CHCHD3: variants seen among roughly 807,000 people sequenced by gnomAD.
CHCHD3 encodes the protein coiled-coil-helix-coiled-coil-helix domain containing 3.
In CHCHD3, 20 loss-of-function variants were observed where a neutral mutation model predicts 38.2. The ratio of observed to expected loss-of-function variants is 0.52; its 90% confidence interval spans 0.37 to 0.76. CHCHD3 has a LOEUF of 0.76. CHCHD3 is among the 30% of genes least tolerant of loss of function. The pLI is 0.00. For synonymous variants in CHCHD3, 82 were observed against 100.0 expected, an observed-to-expected ratio of 0.82 and a Z score of 1.07; for missense variants, 245 against 279.2, an observed-to-expected ratio of 0.88 and a Z score of 0.87.
At position 133,055,483 on chromosome 7, in the gene CHCHD3, A is replaced by G. The variant is rs1209181145; in HGVS notation, c.169+14659T>C. 5.5e-5 allele frequency among the ~76,000 whole-genome samples: 8 copies of G among 145,462 alleles called. No homozygotes were observed. In the East Asian group the frequency reaches 1.6e-3, roughly 28 times the overall value. On this transcript the variant is annotated intron_variant, in intron 2 of 7. Coordinates refer to ENST00000262570, the MANE Select transcript of CHCHD3 (RefSeq NM_017812.4). The stretch of plus-strand genomic sequence containing the variant: ...ATAATTATGTTATGTAATTAATTAT[A>G]ATTGTTATATATTTATTATAATTAA...
intron 4 of CHCHD3, among the ~76,000 whole-genome samples, chr7:132,910,489 CAG>C (rs1356107328): frequency 6.6e-6 from 1 of 152,178 alleles, no homozygotes. Flanking sequence ...AGATTTTTGA[CAG>C]AGAATGGTGA....
At chr7:132,964,645 T>A (rs1811411651) in intron 4 of CHCHD3, among the ~76,000 whole-genome samples, 1 of 152,218 alleles carries the variant, frequency 6.6e-6, no homozygotes, top group Non-Finnish European at 1.5e-5. Flanking sequence ...AGGGAATGGA[T>A]AATTGCTACA....
intron 2 of CHCHD3, among the ~76,000 whole-genome samples, chr7:133,046,351 G>A (rs1813981230): frequency 6.6e-6 from 1 of 152,152 alleles, no homozygotes; most frequent in Non-Finnish European, 1.5e-5. Flanking sequence ...CACAGTACCT[G>A]TGATTTGTCA....
chr7:133,001,000 T>C (rs1562934244), intron 3 of CHCHD3, among the ~76,000 whole-genome samples: 1 of 152,188 alleles, frequency 6.6e-6, no homozygotes. Flanking sequence ...CAACTTCTCA[T>C]CAGTTCTCGC....
At chr7:132,941,821 T>G (rs945784563) in intron 4 of CHCHD3, among the ~76,000 whole-genome samples, 1 of 152,156 alleles carries the variant, frequency 6.6e-6, no homozygotes, top group Non-Finnish European at 1.5e-5. Flanking sequence ...AGTCCACCTG[T>G]GGAATCTGTC....
intron 3 of CHCHD3, among the ~76,000 whole-genome samples, chr7:133,007,529 T>C (rs574287219): frequency 2.6e-5 from 4 of 152,304 alleles, no homozygotes; most frequent in African/African-American, 9.6e-5. Flanking sequence ...ACGGAATGGC[T>C]GGCCCCGCAC....
chr7:132,919,282 G>A (rs1034850568), intron 4 of CHCHD3, among the ~76,000 whole-genome samples: 3 of 151,556 alleles, frequency 2.0e-5, no homozygotes, highest in Admixed American at 2.0e-4. Flanking sequence ...CTAATTTTTT[G>A]TATTTTTGTT....
intron 4 of CHCHD3, among the ~76,000 whole-genome samples, chr7:132,954,499 G>A (rs1447908791): frequency 3.3e-5 from 5 of 152,132 alleles, no homozygotes; most frequent in African/African-American, 4.8e-5. Context: ...TTATCCTCAG[G>A]CAACCATCCA....
chr7:133,048,804 T>C (rs1562948365), intron 2 of CHCHD3, among the ~76,000 whole-genome samples: 1 of 152,124 alleles, frequency 6.6e-6, no homozygotes, highest in African/African-American at 2.4e-5. Context: ...ATCCACAAAG[T>C]GAGAGAGCAA....
At chr7:133,064,761 T>C (rs1245495427) in intron 2 of CHCHD3, among the ~76,000 whole-genome samples, 1 of 152,230 alleles carries the variant, frequency 6.6e-6, no homozygotes, top group African/African-American at 2.4e-5. Flanking sequence ...CAGAGAAACT[T>C]CTACAGTGAG....
At chr7:132,948,495 G>A (rs931883677) in intron 4 of CHCHD3, among the ~76,000 whole-genome samples, 4 of 152,072 alleles carry the variant, frequency 2.6e-5, no homozygotes, top group Non-Finnish European at 5.9e-5. Context: ...TTGGGAGAGG[G>A]AATATATAAT....
chr7:132,814,637 T>C (rs148976754), intron 6 of CHCHD3, among the ~76,000 whole-genome samples: 1 of 152,318 alleles, frequency 6.6e-6, no homozygotes, highest in African/African-American at 2.4e-5. Flanking sequence ...TTGTGAAGGA[T>C]GAGTGAGAAA....
At chr7:132,885,530 C>A in intron 5 of CHCHD3, 132 bp downstream of exon 5, 1 of 654,888 alleles carries the variant, frequency 1.5e-6, no homozygotes, top group Non-Finnish European at 2.5e-6. Context: ...TAACTACCTG[C>A]TTTGCTTCTT....
chr7:132,803,474 T>C (rs1424985965), intron 6 of CHCHD3, among the ~76,000 whole-genome samples: 1 of 152,202 alleles, frequency 6.6e-6, no homozygotes, highest in East Asian at 1.9e-4. Flanking sequence ...GCATCAATCA[T>C]AGATTTTTCC....
chr7:133,009,858 A>G (rs1162787589), intron 3 of CHCHD3, among the ~76,000 whole-genome samples: 2 of 152,224 alleles, frequency 1.3e-5, no homozygotes, highest in Non-Finnish European at 2.9e-5. Context: ...CAACAATAAA[A>G]ATACTCTGAA....
chr7:132,998,254 G>A (rs1038429967), intron 3 of CHCHD3, among the ~76,000 whole-genome samples: 3 of 152,166 alleles, frequency 2.0e-5, no homozygotes, highest in African/African-American at 7.2e-5. Flanking sequence ...TGCAGTTTAG[G>A]CTGCAATGAA....
At chr7:132,996,396 A>C (rs1211087411) in intron 3 of CHCHD3, among the ~76,000 whole-genome samples, 1 of 152,240 alleles carries the variant, frequency 6.6e-6, no homozygotes, top group Non-Finnish European at 1.5e-5. Context: ...CAGAGTCCTG[A>C]GCTTCAAAAA....
At position 132,924,668 on chromosome 7, in the gene CHCHD3, AG is replaced by A. The variant is rs200859949; in HGVS notation, c.370-38924del. Among the ~76,000 whole-genome samples, 990 of 152,350 alleles carry A rather than the reference AG, an allele frequency of 6.5e-3. 10 individuals carry two copies. Among genetic ancestry groups the A allele is most frequent in the African/African-American group, 0.022 (918 of 41,582 alleles). ...TTCAAACTGTGGAGCAGATATTCTT[AG>A]ATAGAGATCTTTAAAGGACTCCCCA... On this transcript the variant is annotated intron_variant, in intron 4 of 7. Transcript: ENST00000262570.
chr7:132,976,243 G>A (rs577486081), intron 3 of CHCHD3, among the ~76,000 whole-genome samples: 5 of 152,084 alleles, frequency 3.3e-5, no homozygotes, highest in East Asian at 1.9e-4. Flanking sequence ...GACTCCAATC[G>A]ATCTGTTAGC....
Sources: allele counts gnomAD v4.1 joint callset (sites outside exome capture counted in the v4.1 genomes callset), GRCh38; gene constraint gnomAD v4.1.1; transcripts MANE v1.5; gene names NCBI Gene and HGNC (gene_info 2026-07-23, HGNC 2026-07-21).